Variants in NUP93 observed in about 807,000 individuals in gnomAD.
The protein encoded by NUP93 is nuclear pore complex protein Nup93.
NUP93 carries 55 observed loss-of-function variants against 107.8 expected under a neutral mutation model. The observed-to-expected ratio is 0.51, with a 90% CI of 0.41 to 0.64. NUP93 has a LOEUF of 0.64. Among genes scored for constraint, NUP93 ranks in the 30% least tolerant of loss-of-function variants. The probability of loss-of-function intolerance (pLI) is 0.00; values close to 1 mark genes in which losing one functional copy is unlikely to be tolerated. For synonymous variants in NUP93, 390 were observed against 397.5 expected (o/e 0.98, Z 0.22); for missense variants, 937 against 1,044.7 (o/e 0.90, Z 1.42).
At chr16:56,736,222 C>T (rs1961610566) in intron 1 of NUP93, among the ~76,000 whole-genome samples, 1 of 152,000 alleles carries the variant, frequency 6.6e-6, no homozygotes, top group African/African-American at 2.4e-5. Context: ...CCCAGCTACC[C>T]AGGAGACTGA....
chr16:56,822,354 A>G (rs1963562598), intron 7 of NUP93, among the ~76,000 whole-genome samples: 1 of 151,578 alleles, frequency 6.6e-6, no homozygotes, highest in African/African-American at 2.4e-5. Flanking sequence ...TCTACAAAAA[A>G]TAGAAAAATT....
chr16:56,843,104 G>A (rs1596868850), intron 21 of NUP93, among the ~76,000 whole-genome samples: 1 of 152,214 alleles, frequency 6.6e-6, no homozygotes, highest in Non-Finnish European at 1.5e-5. Flanking sequence ...CAGTGCTCAA[G>A]AGTGGTCCAC....
intron 4 of NUP93, among the ~76,000 whole-genome samples, chr16:56,804,535 T>A (rs1267626358): frequency 6.6e-6 from 1 of 152,120 alleles, no homozygotes; most frequent in Non-Finnish European, 1.5e-5. Flanking sequence ...AGAGTGGTGG[T>A]TGCCAGGAGC....
At position 56,829,079 on chromosome 16, in the gene NUP93, T is replaced by G. The variant is rs1382363451; in HGVS notation, c.897T>G (p.Ile299Met). 1 of 1,613,274 alleles carries G rather than the reference T, an allele frequency of 6.2e-7. No homozygotes were observed. The highest frequency in any genetic ancestry group is 8.5e-7 in the Non-Finnish European group (1 of 1,179,770). The change falls in exon 9 of 22, where the codon ATT (isoleucine) becomes ATG (methionine). Residue 299 changes from isoleucine to methionine, a missense_variant. Physicochemically the swap from Ile to Met is conservative, Grantham distance 10. Coordinates refer to ENST00000308159, the MANE Select transcript of NUP93 (RefSeq NM_014669.5). ...AATTGGTTCGAAGTTTCCTGAACAT[T>G]AAACTGCCAGCTCCCTTGCCTGGAC... is the stretch of plus-strand genomic sequence containing the variant. ...TYQLVRSFLN[I>M]KLPAPLPGLQ...
chr16:56,790,652 G>A (rs1962740498), intron 3 of NUP93, among the ~76,000 whole-genome samples: 1 of 152,150 alleles, frequency 6.6e-6, no homozygotes, highest in Non-Finnish European at 1.5e-5. Flanking sequence ...TCAGAAATTG[G>A]CAAGAAGGTT....
Position 56,831,824 on chromosome 16 carries a change from G to T in NUP93, c.1086-18G>T. The T allele has an allele frequency of 1.2e-6, 2 of 1,612,414 alleles. No homozygotes were observed. Among genetic ancestry groups the T allele is most frequent in the African/African-American group, 1.3e-5 (1 of 74,962 alleles). ...TTATTGAGTATGTATCTATCTGTCT[G>T]TTCCCTTATGTCTGTAGATTGTCCC... On this transcript the variant is annotated intron_variant, in intron 10 of 21. Coordinates refer to ENST00000308159, the MANE Select transcript of NUP93 (RefSeq NM_014669.5).
chr16:56,765,256 T>C (rs1379847320), intron 3 of NUP93, among the ~76,000 whole-genome samples: 3 of 152,244 alleles, frequency 2.0e-5, no homozygotes, highest in African/African-American at 7.2e-5. Flanking sequence ...TCTAATGGTG[T>C]GAAGGCTTTT....
At chr16:56,758,424 A>T in intron 2 of NUP93, 114 bp from the exon 3 acceptor site, 1 of 770,616 alleles carries the variant, frequency 1.3e-6, no homozygotes, top group Non-Finnish European at 2.3e-6. Context: ...GACAGTATAT[A>T]GGAAGTTTTG....
chr16:56,770,665 A>G (rs946731334), intron 3 of NUP93, among the ~76,000 whole-genome samples: 25 of 152,332 alleles, frequency 1.6e-4, no homozygotes, highest in Non-Finnish European at 3.2e-4. Context: ...TTTAAACAGC[A>G]TACTTGAAAC....
intron 21 of NUP93, chr16:56,842,695 G>C: frequency 2.3e-6 from 1 of 430,858 alleles, no homozygotes; most frequent in South Asian, 1.7e-5. Context: ...TGGGACTACA[G>C]GTACGCACCA....
At chr16:56,829,572 A>G (rs1164357019) in intron 9 of NUP93, among the ~76,000 whole-genome samples, 1 of 152,242 alleles carries the variant, frequency 6.6e-6, no homozygotes, top group Non-Finnish European at 1.5e-5. Context: ...GGGTGGCAGG[A>G]TACAGAGGAG....
chr16:56,745,036 A>G (rs1475551613), intron 1 of NUP93, among the ~76,000 whole-genome samples: 1 of 152,206 alleles, frequency 6.6e-6, no homozygotes, highest in East Asian at 1.9e-4. Context: ...AGTGAACAAA[A>G]CACTGTGCTT....
intron 8 of NUP93, 144 bp from the exon 9 acceptor site, chr16:56,828,833 G>T: frequency 6.7e-6 from 5 of 741,990 alleles, no homozygotes; most frequent in East Asian, 2.7e-5. Flanking sequence ...GCTTCATTAA[G>T]CATGTACTAT....
intron 3 of NUP93, among the ~76,000 whole-genome samples, chr16:56,793,277 T>G (rs185253552): frequency 8.0e-4 from 122 of 152,016 alleles, no homozygotes; most frequent in South Asian, 3.7e-3. Context: ...CTGCAGATGT[T>G]TTGGGAGGTG....
chr16:56,789,427 A>G (rs1357695410), intron 3 of NUP93, among the ~76,000 whole-genome samples: 2 of 152,228 alleles, frequency 1.3e-5, no homozygotes, highest in African/African-American at 4.8e-5. Context: ...TTTTAGCCCA[A>G]TAGCAGAAAC....
chr16:56,812,138 A>T (rs1478574886), intron 5 of NUP93, among the ~76,000 whole-genome samples: 1 of 152,184 alleles, frequency 6.6e-6, no homozygotes, highest in African/African-American at 2.4e-5. Flanking sequence ...TTTTGAGCTG[A>T]CCTTAACACT....
chr16:56,758,614 A>G lies in NUP93; in HGVS notation c.256A>G (p.Thr86Ala). ...ATTGGAGAGTCTGAGTGCAGCCACC[A>G]CCTTTGAGCCTCTTGAGCCTGTGAA... Reference protein sequence around the residue: ...QRLESLSAATTFEPLEPVKDT... With the variant: ...QRLESLSAATAFEPLEPVKDT... The change falls in exon 3 of 22, where the codon ACC (threonine) becomes GCC (alanine). Residue 86 changes from threonine (T) to alanine (A), a missense_variant. By Grantham distance (58) the Thr-to-Ala change is moderately conservative. Transcript: ENST00000308159. 1 of 1,613,816 alleles carries G rather than the reference A, an allele frequency of 6.2e-7. No individual in the cohort carries two copies. The highest frequency in any genetic ancestry group is 1.1e-5 in the South Asian group (1 of 91,068).
At chr16:56,798,766 G>A (rs771827035) in intron 4 of NUP93, among the ~76,000 whole-genome samples, 12 of 151,984 alleles carry the variant, frequency 7.9e-5, no homozygotes, top group Non-Finnish European at 1.6e-4. Flanking sequence ...CTACTCCGGT[G>A]GTTGTGGGAG....
chr16:56,838,762 C>T (rs1596863272), intron 18 of NUP93, among the ~76,000 whole-genome samples, 190 bp from the exon 19 acceptor site: 1 of 152,132 alleles, frequency 6.6e-6, no homozygotes, highest in Non-Finnish European at 1.5e-5. Context: ...GATGGGGTCT[C>T]GCTGTGTGTC....
Sources: allele counts gnomAD v4.1 joint callset (sites outside exome capture counted in the v4.1 genomes callset), GRCh38; gene constraint gnomAD v4.1.1; transcripts MANE v1.5; gene names NCBI Gene and HGNC (gene_info 2026-07-23, HGNC 2026-07-21).